The following TUT4 variants were observed in gnomAD, a reference collection of about 807,000 sequenced individuals.
The protein encoded by TUT4 is terminal uridylyl transferase 4.
TUT4 carries 36 observed loss-of-function variants against 192.2 expected under a neutral mutation model. The observed-to-expected ratio is 0.19, with a 90% CI of 0.14 to 0.25. The LOEUF is 0.25. Ranked by LOEUF, TUT4 falls within the 10% of genes least tolerant of loss-of-function variation. TUT4 has a pLI of 1.00. For synonymous variants in TUT4, 618 were observed against 666.0 expected, an observed-to-expected ratio of 0.93 and a Z score of 1.11; for missense variants, 1,493 against 1,957.2, an observed-to-expected ratio of 0.76 and a Z score of 4.47.
chr1:52,424,079 G>T, intron 29 of TUT4, 77 bp from the exon 30 acceptor site: 1 of 1,424,780 alleles, frequency 7.0e-7, no homozygotes, highest in Non-Finnish European at 9.6e-7. Flanking sequence ...TTAACTTGTA[G>T]TTAGCTTTCT....
At chr1:52,468,401 C>A in intron 14 of TUT4, 134 bp from the exon 15 acceptor site, 2 of 648,154 alleles carry the variant, frequency 3.1e-6, no homozygotes, top group South Asian at 4.6e-5. Context: ...GACTTTAAAA[C>A]CATAAATGTT....
intron 14 of TUT4, 35 bp from the exon 15 acceptor site, chr1:52,468,302 AAAGT>A: frequency 6.7e-7 from 1 of 1,484,246 alleles, no homozygotes; most frequent in Non-Finnish European, 9.1e-7. Flanking sequence ...AGGAAAAAGA[AAAGT>A]AAGGAAAACA....
intron 11 of TUT4, 117 bp from the exon 12 acceptor site, chr1:52,477,999 A>C: frequency 3.0e-6 from 3 of 986,496 alleles, no homozygotes; most frequent in Non-Finnish European, 4.4e-6. Flanking sequence ...TGAAGGAGTA[A>C]TTTGCCAAAA....
intron 9 of TUT4, among the ~76,000 whole-genome samples, 174 bp from the exon 10 acceptor site, chr1:52,482,097 AT>A (rs932393255): frequency 5.3e-5 from 8 of 152,204 alleles, no homozygotes; most frequent in Admixed American, 3.9e-4. Flanking sequence ...GTTGATGATC[AT>A]TTTTTTCATT....
At chr1:52,527,264 G>C (rs1682044555) in intron 1 of TUT4, among the ~76,000 whole-genome samples, 1 of 152,066 alleles carries the variant, frequency 6.6e-6, no homozygotes, top group Admixed American at 6.6e-5. Flanking sequence ...AAAACCAACA[G>C]GGGCCGGGTG....
intron 4 of TUT4, among the ~76,000 whole-genome samples, chr1:52,502,287 A>C (rs1291805610): frequency 6.6e-6 from 1 of 152,114 alleles, no homozygotes; most frequent in African/African-American, 2.4e-5. Flanking sequence ...TTTGACAGAC[A>C]TCCACATTTA....
At chr1:52,531,394 A>G (rs1683372395) in intron 1 of TUT4, among the ~76,000 whole-genome samples, 1 of 151,946 alleles carries the variant, frequency 6.6e-6, no homozygotes, top group South Asian at 2.1e-4. Flanking sequence ...GTAAGAAGTG[A>G]TCCTGAAAGT....
chr1:52,547,227 G>A (rs773556329), intron 1 of TUT4, among the ~76,000 whole-genome samples: 10 of 150,396 alleles, frequency 6.6e-5, no homozygotes, highest in East Asian at 5.8e-4. Context: ...TTTTAAAAAC[G>A]GGTAAAGGAT....
chr1:52,425,124 ACTC>A (rs758322706), intron 29 of TUT4: 67 of 400,474 alleles, frequency 1.7e-4, no homozygotes, highest in Non-Finnish European at 2.8e-4. Context: ...ATTCATCTAA[ACTC>A]CTTTTCTATT....
At chr1:52,523,017 G>A (rs1680718938) in intron 2 of TUT4, among the ~76,000 whole-genome samples, 1 of 89,538 alleles carries the variant, frequency 1.1e-5, no homozygotes, top group Non-Finnish European at 2.0e-5. Flanking sequence ...TTTTGAGACA[G>A]ACTCTCGCTC....
intron 20 of TUT4, among the ~76,000 whole-genome samples, chr1:52,449,615 T>G (rs1385063828): frequency 6.6e-6 from 1 of 152,192 alleles, no homozygotes; most frequent in African/African-American, 2.4e-5. Flanking sequence ...TGTAATTTTT[T>G]AGTTGTGGTA....
chr1:52,443,559 A>G (rs993028872), intron 24 of TUT4, among the ~76,000 whole-genome samples: 11 of 152,050 alleles, frequency 7.2e-5, no homozygotes, highest in African/African-American at 2.4e-4. Flanking sequence ...ATTGCACTCC[A>G]GCCTGGGCAA....
upstream of TUT4, chr1:52,553,128 GGAGGGAGAGGGAGAGGGAGAGAAA>G (rs1689927086): frequency 1.3e-5 from 2 of 153,578 alleles, no homozygotes; most frequent in Non-Finnish European, 2.9e-5. Flanking sequence ...AGGGGGAGGA[GGAGGGAGAGGGAGAGGGAGAGAAA>G]GAGGAGGACC....
intron 2 of TUT4, among the ~76,000 whole-genome samples, chr1:52,516,290 T>C (rs1424669885): frequency 6.6e-6 from 1 of 152,114 alleles, no homozygotes; most frequent in Admixed American, 6.6e-5. Flanking sequence ...TTCCAATCTA[T>C]CCATCAAGAG....
At chr1:52,498,460 G>T (rs1219302618) in intron 4 of TUT4, among the ~76,000 whole-genome samples, 2 of 151,732 alleles carry the variant, frequency 1.3e-5, no homozygotes, top group East Asian at 3.9e-4. Context: ...TAGCCAGTAT[G>T]GTCCCCATCT....
rs902667417 is a variant in TUT4, at chr1:52,439,068, T to C, written c.3823-733A>G. Among the ~76,000 whole-genome samples, 7 of 79,322 alleles carry C rather than the reference T, an allele frequency of 8.8e-5. No individual in the cohort carries two copies. In the South Asian group the frequency reaches 2.4e-3, roughly 27 times the overall value. The allele number at this position is 79,322 out of a possible 152,430, so 52.0% of individuals were successfully genotyped here. A position where few individuals can be genotyped will look rare whatever the true frequency, so the allele number is the denominator to read the frequency against. On this transcript the variant is annotated intron_variant, in intron 24 of 29. Coordinates refer to ENST00000257177, the MANE Select transcript of TUT4 (RefSeq NM_001009881.3). ...CTGGGTGACACAGCAAGACTCCATCTAAAAAAAAAAAAAAAAAAAAAAAGT... is the reference window on the plus strand; with the variant it reads ...CTGGGTGACACAGCAAGACTCCATCCAAAAAAAAAAAAAAAAAAAAAAAGT...
chr1:52,523,759 G>A, intron 2 of TUT4, among the ~76,000 whole-genome samples: 1 of 136,066 alleles, frequency 7.3e-6, no homozygotes, highest in East Asian at 2.0e-4. Flanking sequence ...CTTGCCCTCA[G>A]CCTTAATATA....
At chr1:52,441,766 C>T (rs1655661990) in intron 24 of TUT4, among the ~76,000 whole-genome samples, 1 of 151,764 alleles carries the variant, frequency 6.6e-6, no homozygotes. Flanking sequence ...TACTTTTTTC[C>T]ATTAGTGTAC....
chr1:52,424,221 G>A lies in TUT4; in HGVS notation c.4871-219C>T. The A allele has an allele frequency of 5.9e-6, 3 of 506,074 alleles. No homozygotes were observed. The South Asian group carries it at 7.4e-5, about 13-fold the overall frequency. 31.3% of individuals were successfully genotyped at this position (506,074 alleles called of 1,614,324 possible). A position where few individuals can be genotyped will look rare whatever the true frequency, so the allele number is the denominator to read the frequency against. Reference sequence around the variant, plus strand: ...AGAGGACACGAAAGATGGAGAGGAGGAATCAAAGGGAAAAAACCCACTAGA... The same window carrying A: ...AGAGGACACGAAAGATGGAGAGGAGAAATCAAAGGGAAAAAACCCACTAGA... On this transcript the variant is annotated intron_variant, in intron 29 of 29. Transcript: ENST00000257177.
Sources: allele counts gnomAD v4.1 joint callset (sites outside exome capture counted in the v4.1 genomes callset), GRCh38; gene constraint gnomAD v4.1.1; transcripts MANE v1.5; gene names NCBI Gene and HGNC (gene_info 2026-07-23, HGNC 2026-07-21).